Variants in SLC25A24 observed in about 807,000 individuals in gnomAD.
SLC25A24 encodes the protein mitochondrial adenyl nucleotide antiporter SLC25A24.
SLC25A24 carries 49 observed loss-of-function variants against 60.7 expected under a neutral mutation model. That is an observed-to-expected ratio of 0.81 (90% CI 0.64 to 1.02). SLC25A24 has a LOEUF of 1.02. SLC25A24 is among the 50% of genes least tolerant of loss of function. SLC25A24 has a pLI of 0.00. For synonymous variants in SLC25A24, 202 were observed against 200.6 expected, an observed-to-expected ratio of 1.01 and a Z score of -0.06; for missense variants, 564 against 586.3, an observed-to-expected ratio of 0.96 and a Z score of 0.39.
At chr1:108,144,553 T>C (rs1183656590) in intron 7 of SLC25A24, among the ~76,000 whole-genome samples, 3 of 152,144 alleles carry the variant, frequency 2.0e-5, no homozygotes, top group African/African-American at 7.2e-5. Context: ...CTACATTAGG[T>C]ATTTCTTCTA....
intron 9 of SLC25A24, 97 bp from the exon 10 acceptor site, chr1:108,136,934 T>A: frequency 8.7e-7 from 1 of 1,147,564 alleles, no homozygotes; most frequent in Non-Finnish European, 1.3e-6. Context: ...TAAAATACAG[T>A]AAAAGGACAA....
At chr1:108,178,989 G>A (rs1647812582) in intron 3 of SLC25A24, among the ~76,000 whole-genome samples, 1 of 151,860 alleles carries the variant, frequency 6.6e-6, no homozygotes, top group African/African-American at 2.4e-5. Context: ...CAAAACCCAT[G>A]GAACACAGTA....
At chr1:108,167,652 G>A (rs888613362) in intron 3 of SLC25A24, among the ~76,000 whole-genome samples, 17 of 152,250 alleles carry the variant, frequency 1.1e-4, no homozygotes, top group African/African-American at 2.6e-4. Flanking sequence ...GCTTCGGCTC[G>A]CGCACGGTGC....
rs888398881 is a variant in SLC25A24, at chr1:108,192,907, T to C, written c.184-6953A>G. The C allele has an allele frequency of 1.2e-4, 57 of 468,522 alleles. 5 individuals carry two copies. Among genetic ancestry groups the C allele is most frequent in the South Asian group, 6.1e-4 (10 of 16,346 alleles). 29.0% of individuals were successfully genotyped at this position (468,522 alleles called of 1,614,324 possible). ...GGAGACCGCGGAGTTCCTGCCTCAC[T>C]CACGTCTGATCAGAAGCCCCGGCTC... On this transcript the variant is annotated intron_variant, in intron 1 of 9. Transcript: ENST00000565488.
intron 2 of SLC25A24, among the ~76,000 whole-genome samples, chr1:108,182,397 T>C (rs1647961116): frequency 6.6e-6 from 1 of 152,180 alleles, no homozygotes; most frequent in South Asian, 2.1e-4. Context: ...TAAAGTAGGA[T>C]CTATTCATTT....
At chr1:108,152,824 G>A (rs772922215) in intron 6 of SLC25A24, among the ~76,000 whole-genome samples, 1 of 152,184 alleles carries the variant, frequency 6.6e-6, no homozygotes, top group Admixed American at 6.5e-5. Flanking sequence ...TACAGAGAAC[G>A]TCAGAATTCA....
At chr1:108,199,892 C>A in intron 1 of SLC25A24, 64 bp downstream of exon 1, 4 of 1,326,278 alleles carry the variant, frequency 3.0e-6, no homozygotes, top group Non-Finnish European at 4.2e-6. Context: ...CTCCTCGGTC[C>A]TCGCAGTGTC....
intron 1 of SLC25A24, chr1:108,199,591 T>C (rs1648597406): frequency 5.2e-6 from 2 of 383,950 alleles, no homozygotes; most frequent in Non-Finnish European, 9.2e-6. Context: ...TGGGACCCAC[T>C]GAAGTCTGAC....
At chr1:108,172,025 G>A (rs886638121) in intron 3 of SLC25A24, among the ~76,000 whole-genome samples, 1 of 152,170 alleles carries the variant, frequency 6.6e-6, no homozygotes, top group African/African-American at 2.4e-5. Flanking sequence ...AAGAATAACT[G>A]GAGTGAAGGG....
chr1:108,179,896 T>C (rs191300532), intron 3 of SLC25A24, among the ~76,000 whole-genome samples: 2 of 152,300 alleles, frequency 1.3e-5, no homozygotes, highest in East Asian at 1.9e-4. Flanking sequence ...AAGTATGAGA[T>C]GTATCATGTT....
intron 8 of SLC25A24, among the ~76,000 whole-genome samples, chr1:108,140,437 C>T (rs1181122739): frequency 6.6e-6 from 1 of 151,984 alleles, no homozygotes; most frequent in East Asian, 1.9e-4. Flanking sequence ...AACACAAAAC[C>T]ACAAAATATG....
chr1:108,192,177 C>T (rs1412826307), intron 1 of SLC25A24, among the ~76,000 whole-genome samples: 1 of 138,626 alleles, frequency 7.2e-6, no homozygotes, highest in Non-Finnish European at 1.6e-5. Flanking sequence ...TTAGCCTAGA[C>T]GCCCCTCTGG....
chr1:108,155,270 T>C, intron 5 of SLC25A24, 135 bp from the exon 6 acceptor site: 1 of 794,082 alleles, frequency 1.3e-6, no homozygotes. Context: ...ATAGAAAGGT[T>C]GAAAAATATA....
In SLC25A24 at chr1:108,139,413, C is replaced by G. The variant is rs576413833; in HGVS notation, c.1099-205G>C. 4.6e-5 allele frequency among the ~76,000 whole-genome samples: 7 copies of G among 152,202 alleles called. No individual in the cohort carries two copies. In the South Asian group the frequency reaches 1.5e-3, roughly 32 times the overall value. On this transcript the variant is annotated intron_variant, in intron 8 of 9. Coordinates refer to ENST00000565488, the MANE Select transcript of SLC25A24 (RefSeq NM_013386.5). ...GGTGCGGAACACATGAGGTTTGCAC[C>G]GGTTACTGACATTCTTCTAAACAAA...
chr1:108,174,832 A>G (rs749379549), intron 3 of SLC25A24, among the ~76,000 whole-genome samples: 6 of 152,204 alleles, frequency 3.9e-5, no homozygotes, highest in Admixed American at 1.3e-4. Context: ...TGACTATTCC[A>G]CTAGATTTCG....
At chr1:108,141,454 G>A (rs1346793675) in intron 8 of SLC25A24, among the ~76,000 whole-genome samples, 1 of 152,136 alleles carries the variant, frequency 6.6e-6, no homozygotes, top group East Asian at 1.9e-4. Flanking sequence ...AAAATGACAT[G>A]GAGGTTCCTC....
intron 1 of SLC25A24, chr1:108,192,870 T>C: frequency 1.2e-6 from 1 of 828,662 alleles, no homozygotes; most frequent in African/African-American, 1.7e-5. Context: ...GACCGCACTC[T>C]GGGCTGCGCT....
At chr1:108,182,247 A>T (rs112907997) in intron 2 of SLC25A24, among the ~76,000 whole-genome samples, 17 of 152,346 alleles carry the variant, frequency 1.1e-4, no homozygotes, top group African/African-American at 3.1e-4. Context: ...TTTAAAATTC[A>T]GTAATTGTAA....
chr1:108,136,879 T>C, intron 9 of SLC25A24, 42 bp from the exon 10 acceptor site: 1 of 1,537,942 alleles, frequency 6.5e-7, no homozygotes, highest in South Asian at 1.1e-5. Flanking sequence ...TTCAAGTATG[T>C]TTCATTATTA....
Sources: allele counts gnomAD v4.1 joint callset (sites outside exome capture counted in the v4.1 genomes callset), GRCh38; gene constraint gnomAD v4.1.1; transcripts MANE v1.5; gene names NCBI Gene and HGNC (gene_info 2026-07-23, HGNC 2026-07-21).